The following TCF12 variants were observed in gnomAD, a reference collection of about 807,000 sequenced individuals.
TCF12 encodes the protein DNA-binding protein HTF4.
In TCF12, 45 loss-of-function variants were observed where a neutral mutation model predicts 86.0. The ratio of observed to expected loss-of-function variants is 0.52; its 90% CI spans 0.41 to 0.67. The LOEUF (loss-of-function observed/expected upper bound fraction) is 0.67, where lower values mean the gene tolerates loss of function less well. Among genes scored for constraint, TCF12 ranks in the 30% least tolerant of loss-of-function variants. The pLI is 0.00. For missense variants in TCF12, 881 were observed against 859.9 expected, an observed-to-expected ratio of 1.02 and a Z score of -0.31; for synonymous variants, 330 against 299.6, an observed-to-expected ratio of 1.10 and a Z score of -1.05.
chr15:57,252,081 A>C (rs2060143011), intron 14 of TCF12: 1 of 204,242 alleles, frequency 4.9e-6, no homozygotes, highest in Admixed American at 5.7e-5. Context: ...CACAATAAAG[A>C]TGATTTGATG....
At chr15:57,222,262 T>C (rs1463837775) in intron 8 of TCF12, among the ~76,000 whole-genome samples, 1 of 151,248 alleles carries the variant, frequency 6.6e-6, no homozygotes, top group African/African-American at 2.4e-5. Context: ...TGATTGCATA[T>C]ATTTAAGGGT....
chr15:57,164,335 A>G (rs1270852651), intron 5 of TCF12, among the ~76,000 whole-genome samples: 2 of 152,174 alleles, frequency 1.3e-5, no homozygotes, highest in African/African-American at 4.8e-5. Context: ...TAATTTATAA[A>G]GGAAAGAGGT....
chr15:57,107,031 G>A (rs1338790181), intron 5 of TCF12, among the ~76,000 whole-genome samples: 1 of 152,182 alleles, frequency 6.6e-6, no homozygotes, highest in Non-Finnish European at 1.5e-5. Flanking sequence ...AACAAAACAT[G>A]CTCTTACCAT....
chr15:57,159,341 T>A (rs1305797630), intron 5 of TCF12, among the ~76,000 whole-genome samples: 1 of 152,210 alleles, frequency 6.6e-6, no homozygotes, highest in Non-Finnish European at 1.5e-5. Flanking sequence ...TAAGTTAGCA[T>A]TTTGTGTTTC....
intron 4 of TCF12, among the ~76,000 whole-genome samples, chr15:57,064,670 T>C (rs2733182): frequency 0.54 from 82,088 of 151,096 alleles, 22,833 homozygotes; most frequent in Admixed American, 0.61. Context: ...GGGGTGGGCA[T>C]CTGTAGTCCC....
intron 8 of TCF12, chr15:57,219,656 C>A: frequency 6.9e-7 from 1 of 1,445,634 alleles, no homozygotes; most frequent in Non-Finnish European, 9.5e-7. Flanking sequence ...ACATTACTCG[C>A]TTTTTACTAA....
intron 13 of TCF12, among the ~76,000 whole-genome samples, chr15:57,249,456 A>G (rs1440525875): frequency 6.6e-6 from 1 of 152,020 alleles, no homozygotes; most frequent in Non-Finnish European, 1.5e-5. Context: ...TTTTCTCACA[A>G]TTTTAGTATT....
Position 57,066,092 on chromosome 15 carries a change from C to T in TCF12, c.222+2269C>T, listed in dbSNP as rs563527136. The stretch of plus-strand genomic sequence containing the variant: ...ATCATTTTCAAACAAAAATCTGGAT[C>T]CAGTTTCTCCTTGGCAACTCTTCTT... On this transcript the variant is annotated intron_variant, in intron 4 of 20. Transcript: ENST00000333725. 1.6e-4 allele frequency among the ~76,000 whole-genome samples: 24 copies of T among 152,224 alleles called. No homozygotes were observed. The South Asian group carries it at 4.4e-3, about 28-fold the overall frequency.
At chr15:57,280,815 T>A (rs993567040) in intron 19 of TCF12, among the ~76,000 whole-genome samples, 1 of 152,202 alleles carries the variant, frequency 6.6e-6, no homozygotes, top group Non-Finnish European at 1.5e-5. Context: ...TTACAACTTC[T>A]AAAAAATACT....
intron 16 of TCF12, among the ~76,000 whole-genome samples, chr15:57,254,700 A>T (rs1260492157): frequency 6.6e-6 from 1 of 151,320 alleles, no homozygotes; most frequent in African/African-American, 2.4e-5. Flanking sequence ...TACAAAAAAT[A>T]AAAAAAAATT....
chr15:56,999,115 G>A (rs1199365255), intron 3 of TCF12, among the ~76,000 whole-genome samples: 3 of 151,428 alleles, frequency 2.0e-5, no homozygotes, highest in African/African-American at 4.9e-5. Context: ...GGAGAATGGC[G>A]TGAACCCGGG....
rs376638748 is a variant in TCF12, at chr15:57,092,802, ATTAC to A, written c.325+918_325+921del. ...AGTTTGTGTAATTGACATTGATTTC[ATTAC>A]TTACTTTATTTCTTAAGGACATGAC... On this transcript the variant is annotated intron_variant, in intron 5 of 20. Transcript: ENST00000333725. Among the ~76,000 whole-genome samples, 555 of 152,234 alleles carry A rather than the reference ATTAC, an allele frequency of 3.6e-3. 4 individuals carry two copies. The highest frequency in any genetic ancestry group is 0.013 in the African/African-American group (539 of 41,554).
chr15:57,185,432 G>A (rs2056610772), intron 6 of TCF12, among the ~76,000 whole-genome samples: 2 of 152,112 alleles, frequency 1.3e-5, no homozygotes, highest in African/African-American at 4.8e-5. Context: ...GAAGAAGCAA[G>A]CACCAAATCA....
chr15:56,923,063 A>G (rs1456765339), intron 3 of TCF12, among the ~76,000 whole-genome samples: 1 of 152,008 alleles, frequency 6.6e-6, no homozygotes, highest in African/African-American at 2.4e-5. Flanking sequence ...TGCTGTAGTA[A>G]AGATTAGGGT....
chr15:56,998,091 TTATAA>T (rs1311302745), intron 3 of TCF12, among the ~76,000 whole-genome samples: 2 of 152,190 alleles, frequency 1.3e-5, no homozygotes, highest in East Asian at 1.9e-4. Context: ...AATTCAATAA[TTATAA>T]TAGAAAATTT....
At chr15:57,055,781 T>C (rs567623872) in intron 3 of TCF12, among the ~76,000 whole-genome samples, 2 of 152,290 alleles carry the variant, frequency 1.3e-5, no homozygotes, top group Admixed American at 1.3e-4. Flanking sequence ...GTTTTCTTCT[T>C]ATTTATACTC....
rs187975313 is a variant in TCF12 at position 57,094,657 on chromosome 15, A to G, written c.325+2766A>G. On this transcript the variant is annotated intron_variant, in intron 5 of 20. Coordinates refer to ENST00000333725, the MANE Select transcript of TCF12 (RefSeq NM_207037.2). ...GTATTTGAAGCATTTGGAACTGTTG[A>G]TAACCAATCATCGCAACAGGTAACA... 4.2e-4 allele frequency among the ~76,000 whole-genome samples: 64 copies of G among 152,328 alleles called. No homozygotes were observed. In the East Asian group the frequency reaches 9.4e-3, roughly 22 times the overall value.
At chr15:57,182,601 A>G (rs889583617) in intron 6 of TCF12, among the ~76,000 whole-genome samples, 4 of 152,100 alleles carry the variant, frequency 2.6e-5, no homozygotes, top group Admixed American at 6.5e-5. Context: ...GAAAATGGTT[A>G]TTTCTGTGAT....
chr15:57,002,995 T>G (rs2064140838), intron 3 of TCF12, among the ~76,000 whole-genome samples: 1 of 152,242 alleles, frequency 6.6e-6, no homozygotes, highest in Admixed American at 6.5e-5. Flanking sequence ...AGTATGCCAC[T>G]ACTAGGTTAA....
Sources: gnomAD v4.1 joint callset for allele counts (sites outside exome capture counted in the v4.1 genomes callset) on GRCh38, gnomAD v4.1.1 for gene constraint, MANE v1.5 for transcripts, NCBI Gene and HGNC (gene_info 2026-07-23, HGNC 2026-07-21) for gene names.